Variants in MED14 observed in about 807,000 individuals in gnomAD.
The protein encoded by MED14 is mediator of RNA polymerase II transcription subunit 14.
In MED14, 8 loss-of-function variants were observed where a neutral mutation model predicts 109.0. The ratio of observed to expected loss-of-function variants is 0.07; its 90% CI spans 0.04 to 0.13. The LOEUF is 0.13. Ranked by LOEUF, MED14 falls within the 10% of genes least tolerant of loss-of-function variation. The pLI, the probability that MED14 is intolerant of heterozygous loss-of-function variation, is 1.00. For synonymous variants in MED14, 399 were observed against 408.7 expected (o/e 0.98, Z 0.29); for missense variants, 711 against 1,142.4 (o/e 0.62, Z 5.44).
At chrX:40,725,422 A>G (rs1931861382) in intron 3 of MED14, among the ~76,000 whole-genome samples, 1 of 111,768 alleles carries the variant, frequency 8.9e-6, no homozygotes, top group African/African-American at 3.3e-5. Context: ...TAATACAAAA[A>G]TCCTCTCAAC....
chrX:40,722,279 A>T (rs1931747772), intron 3 of MED14, among the ~76,000 whole-genome samples: 1 of 112,155 alleles, frequency 8.9e-6, no homozygotes, highest in African/African-American at 3.2e-5. Flanking sequence ...TTTTTTTAAA[A>T]ATCAAGCAGA....
At chrX:40,655,483 A>G (rs1929024131) in intron 28 of MED14, among the ~76,000 whole-genome samples, 1 of 111,530 alleles carries the variant, frequency 9.0e-6, no homozygotes, top group Non-Finnish European at 1.9e-5. Context: ...GTTCCAGTCA[A>G]GCTCACAAAT....
intron 30 of MED14, 84 bp downstream of exon 30, chrX:40,654,280 G>T: frequency 1.2e-6 from 1 of 859,681 alleles, no homozygotes; most frequent in South Asian, 2.4e-5. Flanking sequence ...GGTAAGGAGG[G>T]AGAAGAGAAG....
In MED14 at chrX:40,705,386, A is replaced by G. The variant is rs765602013; in HGVS notation, c.1286-1817T>C. 3.2e-3 allele frequency among the ~76,000 whole-genome samples: 364 copies of G among 112,273 alleles called. 1 individual carries two copies. Among genetic ancestry groups the G allele is most frequent in the African/African-American group, 0.011 (355 of 30,955 alleles). On this transcript the variant is annotated intron_variant, in intron 10 of 30. Coordinates refer to ENST00000324817, the MANE Select transcript of MED14 (RefSeq NM_004229.4). ...CTAATTACCACAATTGAGTATTCTT[A>G]GAAAAATAGGGCATCAGAGAAGAAT...
At chrX:40,713,988 G>A in intron 4 of MED14, 81 bp from the exon 5 acceptor site, 1 of 991,373 alleles carries the variant, frequency 1.0e-6, no homozygotes, top group South Asian at 2.3e-5. Context: ...TTTATACAGT[G>A]TTGCGTACTT....
At chrX:40,723,025 T>G (rs754044743) in intron 3 of MED14, among the ~76,000 whole-genome samples, 3 of 111,987 alleles carry the variant, frequency 2.7e-5, no homozygotes, top group Non-Finnish European at 5.6e-5. Context: ...AGAAATCATC[T>G]GAAGGTACAA....
chrX:40,673,371 C>T (rs1456866266), intron 22 of MED14, among the ~76,000 whole-genome samples: 1 of 111,967 alleles, frequency 8.9e-6, no homozygotes, highest in Non-Finnish European at 1.9e-5. Context: ...TCAAGTTTTC[C>T]CAAAGTGACA....
In MED14 at chrX:40,650,343, AGATAT is replaced by A. The variant is rs1276317515; in HGVS notation, c.*1458_*1462del. ...TGGAGAATCAAACAAAGTTGAGAAC[AGATAT>A]GATATAGGTACAGTGAGATACTTGA... On this transcript the variant is annotated 3_prime_UTR_variant, in exon 31 of 31. Transcript: ENST00000324817. 7 of 751,815 alleles carry A rather than the reference AGATAT, an allele frequency of 9.3e-6. No individual in the cohort carries two copies. The Admixed American group carries it at 6.1e-4, about 66-fold the overall frequency. The allele number at this position is 751,815 out of a possible 1,213,427, so 62.0% of individuals were successfully genotyped here.
intron 23 of MED14, among the ~76,000 whole-genome samples, chrX:40,671,181 G>T (rs1359325958): frequency 9.0e-6 from 1 of 111,720 alleles, no homozygotes; most frequent in Non-Finnish European, 1.9e-5. Context: ...TTCCTCGCTA[G>T]ATGATAAGCT....
chrX:40,686,354 T>G (rs1256700556), intron 16 of MED14, among the ~76,000 whole-genome samples: 1 of 110,346 alleles, frequency 9.1e-6, no homozygotes, highest in Non-Finnish European at 1.9e-5. Flanking sequence ...AAAATACAAC[T>G]AAGAGAATAG....
intron 25 of MED14, among the ~76,000 whole-genome samples, chrX:40,663,635 T>C (rs1477098268): frequency 8.9e-6 from 1 of 112,327 alleles, no homozygotes; most frequent in Non-Finnish European, 1.9e-5. Flanking sequence ...TACAGACACA[T>C]GAGTGAGCTG....
intron 9 of MED14, 128 bp from the exon 10 acceptor site, chrX:40,709,587 T>C (rs1408581608): frequency 6.3e-6 from 2 of 319,287 alleles, no homozygotes; most frequent in Admixed American, 5.9e-5. Flanking sequence ...TTAACCCTAA[T>C]AGAAAGCAAA....
chrX:40,675,151 G>A, intron 22 of MED14, 70 bp downstream of exon 22: 1 of 992,882 alleles, frequency 1.0e-6, no homozygotes, highest in Non-Finnish European at 1.3e-6. Flanking sequence ...TTTCAATGAA[G>A]TCTTGACACC....
At chrX:40,724,667 T>G (rs1469025381) in intron 3 of MED14, among the ~76,000 whole-genome samples, 4 of 111,266 alleles carry the variant, frequency 3.6e-5, no homozygotes, top group African/African-American at 1.3e-4. Flanking sequence ...ACCTATGGGA[T>G]GCAGCACTAA....
At chrX:40,713,132 T>TA in intron 5 of MED14, 90 bp from the exon 6 acceptor site, 1 of 881,657 alleles carries the variant, frequency 1.1e-6, no homozygotes. Context: ...GTCTTACTTA[T>TA]AAAAATTTTT....
At chrX:40,735,811 C>G (rs1425640999), upstream of MED14, 4 of 334,080 alleles carry the variant, frequency 1.2e-5, no homozygotes, top group Non-Finnish European at 2.3e-5. Context: ...GTTCTCTCAG[C>G]TGTCTAGCAC....
At chrX:40,725,641 T>C (rs1931867762) in intron 3 of MED14, among the ~76,000 whole-genome samples, 1 of 111,618 alleles carries the variant, frequency 9.0e-6, no homozygotes, top group Non-Finnish European at 1.9e-5. Flanking sequence ...CCCTTCATGA[T>C]AAAAACCCTC....
intron 12 of MED14, among the ~76,000 whole-genome samples, chrX:40,700,330 C>T (rs1311711160): frequency 1.2e-5 from 1 of 86,639 alleles, no homozygotes; most frequent in Non-Finnish European, 2.2e-5. Context: ...TACTCCCCTC[C>T]AGCCTTGGTG....
At position 40,649,162 on chromosome X, in the gene MED14, GT is replaced by G. The variant is rs1928767500; in HGVS notation, c.*2643del. On this transcript the variant is annotated 3_prime_UTR_variant, in exon 31 of 31. Coordinates refer to ENST00000324817, the MANE Select transcript of MED14 (RefSeq NM_004229.4). ...GGTAGCAAAGTTATAACTTCTTGAA[GT>G]TATCAAATTAACCACAGTCCAAAGA... 1 of 112,305 alleles carries G rather than the reference GT, an allele frequency of 8.9e-6. No homozygotes were observed. The highest frequency in any genetic ancestry group is 1.9e-5 in the Non-Finnish European group (1 of 53,340). The allele number at this position is 112,305 out of a possible 1,213,427, so 9.3% of individuals were successfully genotyped here. A position where few individuals can be genotyped will look rare whatever the true frequency, so the allele number is the denominator to read the frequency against.
Sources: gnomAD v4.1 joint callset for allele counts (sites outside exome capture counted in the v4.1 genomes callset) on GRCh38, gnomAD v4.1.1 for gene constraint, MANE v1.5 for transcripts, NCBI Gene and HGNC (gene_info 2026-07-23, HGNC 2026-07-21) for gene names.